Variants in OR6A2 observed in about 807,000 individuals in gnomAD.
The protein encoded by OR6A2 is olfactory receptor family 6 subfamily A member 2.
In OR6A2, 6 loss-of-function variants were observed where a neutral mutation model predicts 7.1. The ratio of observed to expected loss-of-function variants is 0.85; its 90% CI spans 0.46 to 1.68. OR6A2 has a LOEUF of 1.68. Among genes scored for constraint, OR6A2 ranks in the 40% most tolerant of loss-of-function variants. The pLI, the probability that OR6A2 is intolerant of heterozygous loss-of-function variation, is 0.01. For synonymous variants in OR6A2, 162 were observed against 152.1 expected (o/e 1.06, Z -0.48); for missense variants, 431 against 398.0 (o/e 1.08, Z -0.71).
In OR6A2 at chr11:6,794,372, C is replaced by G. The variant is rs942378398; in HGVS notation, c.*353G>C. 1 of 225,196 alleles carries G rather than the reference C, an allele frequency of 4.4e-6. No individual in the cohort carries two copies. Among genetic ancestry groups the G allele is most frequent in the Non-Finnish European group, 8.8e-6 (1 of 113,682 alleles). The allele number at this position is 225,196 out of a possible 1,614,324, so 13.9% of individuals were successfully genotyped here. On this transcript the variant is annotated 3_prime_UTR_variant, in exon 2 of 2. Transcript: ENST00000641196. The stretch of plus-strand genomic sequence containing the variant: ...TGTAACACACGCTAGAATGATATCT[C>G]CTGGGCCTCTGCTACCTAATAGAGA...
intron 1 of OR6A2, 25 bp from the exon 2 acceptor site, chr11:6,795,909 T>C (rs752461308): frequency 7.5e-6 from 4 of 536,570 alleles, no homozygotes; most frequent in Middle Eastern, 4.8e-4. Context: ...CAAAAATAAA[T>C]GTTTTTTTTT....
Position 6,795,290 on chromosome 11 carries a change from A to T in OR6A2, c.419T>A (p.Ile140Asn). The change falls in exon 2 of 2, where the codon ATT becomes AAT. Residue 140 changes from isoleucine to asparagine, a missense_variant. Coordinates refer to ENST00000641196, the MANE Select transcript of OR6A2 (RefSeq NM_003696.3). ...CTGCACACACAGCCGGCCACTGACA[A>T]TGACTGGGTAGTGGAGAGGATAGCA... ...AICYPLHYPV[I>N]VSGRLCVQMA... The T allele has an allele frequency of 6.2e-7, 1 of 1,614,060 alleles. No homozygotes were observed. Among genetic ancestry groups the T allele is most frequent in the Non-Finnish European group, 8.5e-7 (1 of 1,180,000 alleles).
In OR6A2 at chr11:6,794,860, A is replaced by G. The variant is rs137994134; in HGVS notation, c.849T>C (p.Tyr283=). 14 of 1,614,066 alleles carry G rather than the reference A, an allele frequency of 8.7e-6. No homozygotes were observed. The African/African-American group carries it at 1.3e-4, about 15-fold the overall frequency. Residue 283 remains tyrosine, a synonymous_variant, in exon 2 of 2, where the codon TAT becomes TAC. Transcript: ENST00000641196. ...GATTGAGCAATGGTACAATGACAGC[A>G]TACAGTACAGAGACCAACTTGTTGG... ...FDTNKLVSVL[Y]AVIVPLLNPI...
In OR6A2 at chr11:6,793,112, AC is replaced by A. The variant is rs980222812; in HGVS notation, c.*1612del. ...GAGGACTCTCCCATCCCTGATCACAACCCCATTTCAGAAACTTCTTCTACGG... is the reference window on the plus strand; with the variant it reads ...GAGGACTCTCCCATCCCTGATCACAACCCATTTCAGAAACTTCTTCTACGG... On this transcript the variant is annotated 3_prime_UTR_variant, in exon 2 of 2. Transcript: ENST00000641196. 2 of 152,090 alleles carry A rather than the reference AC, an allele frequency of 1.3e-5. No homozygotes were observed. The highest frequency in any genetic ancestry group is 4.8e-5 in the African/African-American group (2 of 41,416). The allele number at this position is 152,090 out of a possible 1,614,324, so 9.4% of individuals were successfully genotyped here.
rs1452944388 is a variant in OR6A2, at chr11:6,791,893, A to G, written c.*2832T>C. 1 of 152,242 alleles carries G rather than the reference A, an allele frequency of 6.6e-6. No homozygotes were observed. Among genetic ancestry groups the G allele is most frequent in the Non-Finnish European group, 1.5e-5 (1 of 68,034 alleles). The allele number at this position is 152,242 out of a possible 1,614,324, so 9.4% of individuals were successfully genotyped here. On this transcript the variant is annotated 3_prime_UTR_variant, in exon 2 of 2. Coordinates refer to ENST00000641196, the MANE Select transcript of OR6A2 (RefSeq NM_003696.3). Reference sequence around the variant, plus strand: ...ATATTCATCCTTCATTAGCATACATACTTGTCAAAATAAGAAACCAAAATT... The same window carrying G: ...ATATTCATCCTTCATTAGCATACATGCTTGTCAAAATAAGAAACCAAAATT...
At position 6,795,355 on chromosome 11, in the gene OR6A2, G is replaced by C. The variant is rs1276420588; in HGVS notation, c.354C>G (p.Val118=). 1.9e-6 allele frequency: 3 copies of C among 1,613,902 alleles called. No individual in the cohort carries two copies. The highest frequency in any genetic ancestry group is 1.3e-5 in the African/African-American group (1 of 74,898). The part of the protein sequence containing the change: ...FFLGLGCTEC[V]LLAVMAYDRY... Reference sequence around the variant, plus strand: ...GATCATAGGCCATAACAGCGAGAAGGACACACTCAGTGCAGCCCAAGCCAA... The same window carrying C: ...GATCATAGGCCATAACAGCGAGAAGCACACACTCAGTGCAGCCCAAGCCAA... Residue 118 remains valine (V), a synonymous_variant, in exon 2 of 2, where the codon GTC becomes GTG. Transcript: ENST00000641196.
chr11:6,797,377 C>T (rs1847757833), intron 1 of OR6A2, among the ~76,000 whole-genome samples: 1 of 152,090 alleles, frequency 6.6e-6, no homozygotes, highest in African/African-American at 2.4e-5. Flanking sequence ...CATGCCTGTC[C>T]CAATGCCATA....
chr11:6,791,843 C>T lies in OR6A2; in HGVS notation c.*2882G>A, dbSNP rs1349437109. On this transcript the variant is annotated 3_prime_UTR_variant, in exon 2 of 2. Transcript: ENST00000641196. ...TGCTAAAGAGAGTTTTTCACACACC[C>T]ATCTCTCAGTTTGTTTCTTCTAATA... is the stretch of plus-strand genomic sequence containing the variant. 2 of 152,156 alleles carry T rather than the reference C, an allele frequency of 1.3e-5. No homozygotes were observed. Among genetic ancestry groups the T allele is most frequent in the Non-Finnish European group, 2.9e-5 (2 of 68,014 alleles). 9.4% of individuals were successfully genotyped at this position (152,156 alleles called of 1,614,324 possible). A position where few individuals can be genotyped will look rare whatever the true frequency, so the allele number is the denominator to read the frequency against.
chr11:6,795,136 G>T lies in OR6A2; in HGVS notation c.573C>A (p.Asn191Lys). The T allele has an allele frequency of 1.9e-6, 3 of 1,614,134 alleles. No homozygotes were observed. Among genetic ancestry groups the T allele is most frequent in the Non-Finnish European group, 2.5e-6 (3 of 1,180,014 alleles). Residue 191 changes from asparagine (N) to lysine (K), a missense_variant, in exon 2 of 2, where the codon AAC (asparagine) becomes AAA (lysine). Transcript: ENST00000641196. ...HFFCDVSPLL[N>K]LSCTDMSTAE... ...CTGTGGACATATCAGTGCATGAGAG[G>T]TTGAGCAATGGAGAGACATCACAGA... is the stretch of plus-strand genomic sequence containing the variant.
At position 6,792,760 on chromosome 11, in the gene OR6A2, G is replaced by A. The variant is rs1847703017; in HGVS notation, c.*1965C>T. 6.6e-6 allele frequency: 1 copy of A among 152,078 alleles called. No individual in the cohort carries two copies. The highest frequency in any genetic ancestry group is 1.5e-5 in the Non-Finnish European group (1 of 68,002). The allele number at this position is 152,078 out of a possible 1,614,324, so 9.4% of individuals were successfully genotyped here. On this transcript the variant is annotated 3_prime_UTR_variant, in exon 2 of 2. Coordinates refer to ENST00000641196, the MANE Select transcript of OR6A2 (RefSeq NM_003696.3). ...GATAATCAATACTTCACATGAAAAA[G>A]TTTACAAAGTTTTGTGACCTCAATT...
intron 1 of OR6A2, among the ~76,000 whole-genome samples, chr11:6,799,312 G>A (rs922852988): frequency 2.6e-5 from 4 of 152,122 alleles, no homozygotes; most frequent in Non-Finnish European, 5.9e-5. Context: ...ATACTGTAGG[G>A]AGAACAGGTA....
rs779226994 is a variant in OR6A2 at position 6,795,621 on chromosome 11, C to A, written c.88G>T (p.Ala30Ser). 1.2e-6 allele frequency: 2 copies of A among 1,613,984 alleles called. No homozygotes were observed. The highest frequency in any genetic ancestry group is 4.5e-5 in the East Asian group (2 of 44,876). Residue 30 changes from alanine to serine, a missense_variant, in exon 2 of 2, where the codon GCC (alanine) becomes TCC (serine). Transcript: ENST00000641196. ...APAPLQVLLF[A>S]LLLLAYVLVL... ...AACACATAGGCCAGCAGCAAAAGGG[C>A]AAACAATAGTACCTGTAGTGGCGCA...
intron 1 of OR6A2, among the ~76,000 whole-genome samples, chr11:6,798,522 A>G (rs1219605507): frequency 6.6e-6 from 1 of 152,208 alleles, no homozygotes; most frequent in Non-Finnish European, 1.5e-5. Flanking sequence ...CCTCATCAAT[A>G]TAACTCCCAC....
rs190792040 is a variant in OR6A2 at position 6,792,074 on chromosome 11, A to C, written c.*2651T>G. The C allele has an allele frequency of 8.5e-5, 13 of 152,260 alleles. No homozygotes were observed. The East Asian group carries it at 2.5e-3, about 29-fold the overall frequency. The allele number at this position is 152,260 out of a possible 1,614,324, so 9.4% of individuals were successfully genotyped here. A position where few individuals can be genotyped will look rare whatever the true frequency, so the allele number is the denominator to read the frequency against. On this transcript the variant is annotated 3_prime_UTR_variant, in exon 2 of 2. Coordinates refer to ENST00000641196, the MANE Select transcript of OR6A2 (RefSeq NM_003696.3). ...GACAAGCTTTGATCTGATATTTCTC[A>C]GTCTTTACTTGTTCATAACTGTAAG...
rs143434208 is a variant in OR6A2, at chr11:6,795,462, G to C, written c.247C>G (p.Leu83Val). The part of the protein sequence containing the change: ...WYVTVTIPKM[L>V]AGFVGSKQDH... ...TGTTTGGATCCAACAAAGCCAGCAA[G>C]CATCTTGGGAATAGTGACAGTGACA... is the stretch of plus-strand genomic sequence containing the variant. Residue 83 changes from leucine to valine, a missense_variant, in exon 2 of 2, where the codon CTT becomes GTT. Leu to Val is a conservative substitution (Grantham distance 32). Transcript: ENST00000641196. 10 of 1,614,134 alleles carry C rather than the reference G, an allele frequency of 6.2e-6. No individual in the cohort carries two copies. The highest frequency in any genetic ancestry group is 3.3e-5 in the Admixed American group (2 of 60,014).
At position 6,799,562 on chromosome 11, in the gene OR6A2, A is replaced by G. The variant is rs1847780617; in HGVS notation, c.-195T>C. On this transcript the variant is annotated 5_prime_UTR_variant, in exon 1 of 2. Coordinates refer to ENST00000641196, the MANE Select transcript of OR6A2 (RefSeq NM_003696.3). ...CACTCACTTTATTCAGATGTCACTG[A>G]CTCATCAAGGTCCTCCTGAGATGGC... 1 of 152,158 alleles carries G rather than the reference A, an allele frequency of 6.6e-6. No individual in the cohort carries two copies. Among genetic ancestry groups the G allele is most frequent in the African/African-American group, 2.4e-5 (1 of 41,436 alleles). The allele number at this position is 152,158 out of a possible 1,614,324, so 9.4% of individuals were successfully genotyped here. A position where few individuals can be genotyped will look rare whatever the true frequency, so the allele number is the denominator to read the frequency against.
intron 1 of OR6A2, 124 bp from the exon 2 acceptor site, chr11:6,796,008 C>T (rs1847745732): frequency 3.5e-6 from 1 of 283,916 alleles, no homozygotes; most frequent in African/African-American, 2.1e-5. Flanking sequence ...CTATTTTGTC[C>T]CCAAAGAACA....
Position 6,795,725 on chromosome 11 carries a change from ACTGCT to A in OR6A2, c.-22_-18del. 6.2e-7 allele frequency: 1 copy of A among 1,611,718 alleles called. No homozygotes were observed. Among genetic ancestry groups the A allele is most frequent in the Non-Finnish European group, 8.5e-7 (1 of 1,178,696 alleles). ...CCACTCCATGTCATTGGTCTCTCTTACTGCTCTTCAGGAGATGAGAGTAGAGAGTC... is the reference window on the plus strand; with the variant it reads ...CCACTCCATGTCATTGGTCTCTCTTACTTCAGGAGATGAGAGTAGAGAGTC... On this transcript the variant is annotated 5_prime_UTR_variant, in exon 2 of 2. Transcript: ENST00000641196.
chr11:6,799,680 T>A lies in OR6A2; in HGVS notation c.-313A>T, dbSNP rs1847781897. On this transcript the variant is annotated 5_prime_UTR_variant, in exon 1 of 2. Transcript: ENST00000641196. ...ATACAGAGATTCCACTTTCTCTTCC[T>A]CCCATAGATAGAGAACACTGCCAAG... The A allele has an allele frequency of 6.6e-6, 1 of 152,168 alleles. No homozygotes were observed. Among genetic ancestry groups the A allele is most frequent in the Non-Finnish European group, 1.5e-5 (1 of 68,026 alleles). The allele number at this position is 152,168 out of a possible 1,614,324, so 9.4% of individuals were successfully genotyped here.
Sources: gnomAD v4.1 joint callset for allele counts (sites outside exome capture counted in the v4.1 genomes callset) on GRCh38, gnomAD v4.1.1 for gene constraint, MANE v1.5 for transcripts, NCBI Gene and HGNC (gene_info 2026-07-23, HGNC 2026-07-21) for gene names.